Variants in VRK2 observed in about 807,000 individuals in gnomAD.
The protein encoded by VRK2 is VRK serine/threonine kinase 2.
A neutral mutation model predicts 57.6 loss-of-function variants in VRK2; 60 were observed. The ratio of observed to expected loss-of-function variants is 1.04; its 90% CI spans 0.85 to 1.29. The LOEUF (loss-of-function observed/expected upper bound fraction) is 1.29, where lower values mean the gene tolerates loss of function less well. Among genes scored for constraint, VRK2 ranks in the 50% most tolerant of loss-of-function variants. The probability of loss-of-function intolerance (pLI) is 0.00; values close to 1 mark genes in which losing one functional copy is unlikely to be tolerated. For synonymous variants in VRK2, 231 were observed against 199.2 expected, an observed-to-expected ratio of 1.16 and a Z score of -1.35; for missense variants, 705 against 588.1, an observed-to-expected ratio of 1.20 and a Z score of -2.06.
chr2:58,106,602 A>C (rs985216056), intron 7 of VRK2, among the ~76,000 whole-genome samples: 2 of 152,048 alleles, frequency 1.3e-5, no homozygotes, highest in Admixed American at 1.3e-4. Flanking sequence ...TGAGCATGTC[A>C]TTAAGTCTTT....
intron 7 of VRK2, among the ~76,000 whole-genome samples, chr2:58,118,360 G>A (rs111493016): frequency 0.23 from 34,830 of 151,802 alleles, 4,446 homozygotes; most frequent in African/African-American, 0.35. Flanking sequence ...GAAGGCTGCC[G>A]TCCCAGTCCG....
At chr2:58,106,530 G>T (rs1317315658) in intron 7 of VRK2, among the ~76,000 whole-genome samples, 1 of 151,990 alleles carries the variant, frequency 6.6e-6, no homozygotes, top group Non-Finnish European at 1.5e-5. Context: ...TGGGGCAGTA[G>T]ATGGAATGAC....
chr2:57,915,454 T>C (rs756850438), intron 1 of VRK2, among the ~76,000 whole-genome samples: 2 of 152,006 alleles, frequency 1.3e-5, no homozygotes, highest in Non-Finnish European at 2.9e-5. Flanking sequence ...AGAAATCAGG[T>C]GAATGGATTA....
chr2:58,142,338 T>TC (rs1027038785), intron 11 of VRK2, among the ~76,000 whole-genome samples: 5 of 151,774 alleles, frequency 3.3e-5, no homozygotes, highest in African/African-American at 1.2e-4. Context: ...TTTTTTTTTT[T>TC]CCAATACTGG....
At chr2:58,120,879 A>G (rs896975583) in intron 7 of VRK2, among the ~76,000 whole-genome samples, 1 of 152,164 alleles carries the variant, frequency 6.6e-6, no homozygotes, top group African/African-American at 2.4e-5. Flanking sequence ...ATCCTCTGGT[A>G]CTTTTCTACT....
intron 12 of VRK2, among the ~76,000 whole-genome samples, chr2:58,156,404 C>G (rs184521732): frequency 6.6e-6 from 1 of 152,220 alleles, no homozygotes; most frequent in Non-Finnish European, 1.5e-5. Context: ...TATTTGTCTT[C>G]AAATTGGAAA....
At chr2:57,975,811 T>G (rs556764033) in intron 1 of VRK2, among the ~76,000 whole-genome samples, 2 of 151,938 alleles carry the variant, frequency 1.3e-5, no homozygotes, top group South Asian at 2.1e-4. Context: ...TGCAGATTTG[T>G]TACATGGGTA....
At chr2:58,140,064 C>A (rs1448167980) in intron 11 of VRK2, among the ~76,000 whole-genome samples, 2 of 152,056 alleles carry the variant, frequency 1.3e-5, no homozygotes, top group East Asian at 3.9e-4. Context: ...AAAGCAGTCA[C>A]TACTGTCATA....
At position 57,997,382 on chromosome 2, in the gene VRK2, T is replaced by A. The variant is rs115167214; in HGVS notation, c.-438-28283T>A. On this transcript the variant is annotated intron_variant, in intron 1 of 15. Coordinates refer to the VRK2 transcript ENST00000417641. ...GTAGAAGGCCTAAGAATATCCTCAG[T>A]GATGGGGAGTTGAGAGATGCAATAA... Among the ~76,000 whole-genome samples, 784 of 151,936 alleles carry A rather than the reference T, an allele frequency of 5.2e-3. 9 individuals are homozygous for A. The highest frequency in any genetic ancestry group is 0.018 in the African/African-American group (743 of 41,458).
intron 2 of VRK2, among the ~76,000 whole-genome samples, chr2:58,028,680 G>A (rs1490481029): frequency 4.0e-5 from 6 of 150,758 alleles, no homozygotes; most frequent in Non-Finnish European, 7.4e-5. Flanking sequence ...GGTGGGAACT[G>A]AACAATGAGA....
At position 58,088,366 on chromosome 2, in the gene VRK2, C is replaced by G. The variant is rs1671923169; in HGVS notation, c.370C>G (p.Leu124Val). 6.2e-7 allele frequency: 1 copy of G among 1,612,392 alleles called. No homozygotes were observed. The highest frequency in any genetic ancestry group is 1.3e-5 in the African/African-American group (1 of 74,850). ...TTACAGATTTATGGTAATGGAAAGA[C>G]TAGGAATAGATTTACAGAAGATCTC... ...RSYRFMVMER[L>V]GIDLQKISGQ... Residue 124 changes from leucine (L) to valine (V), a missense_variant, in exon 6 of 13, where the codon CTA becomes GTA. Leu to Val is a conservative substitution (Grantham distance 32). Transcript: ENST00000340157.
chr2:58,139,555 CAGG>C, intron 10 of VRK2, 108 bp from the exon 11 acceptor site: 1 of 890,024 alleles, frequency 1.1e-6, no homozygotes, highest in Non-Finnish European at 1.7e-6. Context: ...TTAGTTTCTT[CAGG>C]AGATGTAAAT....
intron 10 of VRK2, 38 bp from the exon 11 acceptor site, chr2:58,139,628 A>G (rs746068101): frequency 3.2e-6 from 5 of 1,582,966 alleles, no homozygotes; most frequent in Non-Finnish European, 4.3e-6. Flanking sequence ...AATTCTTGCC[A>G]ATTGTGAATG....
At chr2:58,051,336 G>A (rs6728403) in intron 2 of VRK2, among the ~76,000 whole-genome samples, 339 of 151,176 alleles carry the variant, frequency 2.2e-3, no homozygotes, top group African/African-American at 7.9e-3. Context: ...AAAGGCTCCA[G>A]TACTTCAGAA....
chr2:57,912,586 T>C (rs920350081), intron 1 of VRK2, among the ~76,000 whole-genome samples: 2 of 152,148 alleles, frequency 1.3e-5, no homozygotes, highest in South Asian at 2.1e-4. Context: ...GGGAAGGACA[T>C]ATTTGATGAC....
intron 2 of VRK2, among the ~76,000 whole-genome samples, chr2:58,071,026 T>G (rs1026924492): frequency 1.3e-5 from 2 of 152,176 alleles, no homozygotes; most frequent in Non-Finnish European, 2.9e-5. Context: ...TGTAGTTGTA[T>G]CTCATTGTTT....
chr2:58,158,366 A>AT (rs904165020), intron 12 of VRK2, among the ~76,000 whole-genome samples: 4 of 152,004 alleles, frequency 2.6e-5, no homozygotes, highest in Admixed American at 6.6e-5. Flanking sequence ...CTCTCAAGTA[A>AT]TTTTTTTTCA....
chr2:58,050,306 C>A (rs560443398), intron 2 of VRK2, among the ~76,000 whole-genome samples: 1 of 152,154 alleles, frequency 6.6e-6, no homozygotes, highest in South Asian at 2.1e-4. Flanking sequence ...TCTCAAGAGC[C>A]CAGTTAGCCC....
At chr2:58,149,410 T>C (rs1025758637) in intron 12 of VRK2, among the ~76,000 whole-genome samples, 2 of 151,730 alleles carry the variant, frequency 1.3e-5, no homozygotes, top group African/African-American at 4.8e-5. Context: ...AATGTACTTA[T>C]TAGTTCCAAT....
Sources: gnomAD v4.1 joint callset for allele counts (sites outside exome capture counted in the v4.1 genomes callset) on GRCh38, gnomAD v4.1.1 for gene constraint, MANE v1.5 for transcripts, NCBI Gene and HGNC (gene_info 2026-07-23, HGNC 2026-07-21) for gene names.